RFX1: variants seen among roughly 807,000 people sequenced by gnomAD.
RFX1 encodes regulatory factor X1, also known as MHC class II regulatory factor RFX1.
A neutral mutation model predicts 119.6 loss-of-function variants in RFX1; 42 were observed. The ratio of observed to expected loss-of-function variants is 0.35; its 90% CI spans 0.27 to 0.45. The LOEUF (loss-of-function observed/expected upper bound fraction) is 0.45. RFX1 is among the 20% of genes least tolerant of loss of function. The probability of loss-of-function intolerance (pLI) is 1.00; values close to 1 mark genes in which losing one functional copy is unlikely to be tolerated. For missense variants in RFX1, 1,118 were observed against 1,368.1 expected (o/e 0.82, Z 2.88); for synonymous variants, 628 against 618.5 (o/e 1.02, Z -0.23).
intron 7 of RFX1, among the ~76,000 whole-genome samples, chr19:13,978,303 G>A (rs1974315236): frequency 6.6e-6 from 1 of 152,240 alleles, no homozygotes; most frequent in Non-Finnish European, 1.5e-5. Flanking sequence ...TTCGGCTGGG[G>A]CCAGCAAGGG....
In RFX1 at chr19:13,985,896, G is replaced by A. The variant is rs1042073238; in HGVS notation, c.320-2301C>T. ...TGGGGGCGGGGGTTGCCAGATGTGGGAGGTGTTGGGGGAGGCCTCCGCGTA... is the reference window on the plus strand; with the variant it reads ...TGGGGGCGGGGGTTGCCAGATGTGGAAGGTGTTGGGGGAGGCCTCCGCGTA... On this transcript the variant is annotated intron_variant, in intron 2 of 20. Transcript: ENST00000254325. The surrounding 1 kb of genome is among the most constrained non-coding windows in gnomAD (Gnocchi z 4.3). Among the ~76,000 whole-genome samples the A allele has an allele frequency of 1.3e-5, 2 of 152,114 alleles. No individual in the cohort carries two copies. The highest frequency in any genetic ancestry group is 4.8e-5 in the African/African-American group (2 of 41,402).
chr19:13,979,621 T>G (rs866972227), intron 6 of RFX1, 79 bp from the exon 7 acceptor site: 5 of 963,822 alleles, frequency 5.2e-6, no homozygotes, highest in Middle Eastern at 4.7e-4. Flanking sequence ...CAGGTGAGCT[T>G]CTGTAAAGCT....
At chr19:13,984,113 TGGGGTGGGGACCACAAG>T (rs1157580596) in intron 2 of RFX1, among the ~76,000 whole-genome samples, 2 of 149,726 alleles carry the variant, frequency 1.3e-5, no homozygotes, top group Non-Finnish European at 2.9e-5. Context: ...CTGTCCTCAG[TGGGGTGGGGACCACAAG>T]GGGCTTGGAG....
chr19:13,963,530 G>T lies in RFX1; in HGVS notation c.2570+8C>A. The T allele has an allele frequency of 6.2e-7, 1 of 1,600,844 alleles. No homozygotes were observed. The stretch of plus-strand genomic sequence containing the variant: ...TGCCGCCCGGACCCGATCCCGCCGC[G>T]CGCGCACCTGTAGAAGGACCACTTG... On this transcript the variant is annotated splice_region_variant and intron_variant, in intron 18 of 20. Coordinates refer to ENST00000254325, the MANE Select transcript of RFX1 (RefSeq NM_002918.5).
At position 13,978,038 on chromosome 19, in the gene RFX1, C is replaced by G. The variant is rs772677710; in HGVS notation, c.883G>C (p.Val295Leu). The G allele has an allele frequency of 3.7e-6, 6 of 1,613,714 alleles. No individual in the cohort carries two copies. The Admixed American group carries it at 6.7e-5, about 18-fold the overall frequency. Reference protein sequence around the residue: ...VPVPHVYSSQVQYVEGGDASY... With the variant: ...VPVPHVYSSQLQYVEGGDASY... ...GCATCGCCGCCCTCCACATACTGCA[C>G]CTGGCTGGAGTACACGTGTGGGACG... The change falls in exon 8 of 21, where the codon GTG becomes CTG. Residue 295 changes from valine (V) to leucine (L), a missense_variant. Around this residue, in one of 5 missense-constraint regions of RFX1, gnomAD observed 542 missense variants for 602.7 expected, o/e 0.90. Coordinates refer to ENST00000254325, the MANE Select transcript of RFX1 (RefSeq NM_002918.5).
At chr19:14,006,378 C>G (rs1975383263), upstream of RFX1, 2 of 152,278 alleles carry the variant, frequency 1.3e-5, no homozygotes, top group African/African-American at 4.8e-5. Context: ...TGATTGGCGG[C>G]GGCCGGAGAA....
chr19:13,994,072 C>T (rs1269421563), intron 1 of RFX1, among the ~76,000 whole-genome samples, 177 bp from the exon 2 acceptor site: 2 of 151,982 alleles, frequency 1.3e-5, no homozygotes, highest in African/African-American at 2.4e-5. Context: ...ATATCCAACC[C>T]GTCACTGCAG....
At chr19:13,995,137 AG>A (rs1974965041) in intron 1 of RFX1, among the ~76,000 whole-genome samples, 1 of 151,532 alleles carries the variant, frequency 6.6e-6, no homozygotes, top group South Asian at 2.1e-4. Flanking sequence ...TAGGGAGCTG[AG>A]GCTCAGAGAG....
In RFX1 at chr19:13,965,656, G is replaced by C; in HGVS notation, c.2083C>G (p.Leu695Val). The change falls in exon 15 of 21, where the codon CTC becomes GTC. Residue 695 changes from leucine to valine, a missense_variant. Leu to Val is a conservative substitution (Grantham distance 32). Around this residue, in one of 5 missense-constraint regions of RFX1, gnomAD observed 338 missense variants for 508.9 expected, o/e 0.66. Coordinates refer to ENST00000254325, the MANE Select transcript of RFX1 (RefSeq NM_002918.5). This position sits in a 1 kb window ranked among gnomAD's most constrained non-coding sequence, Gnocchi z 4.7. Reference protein sequence around the residue: ...NVLYQGLVEILIPDVLRPIPS... With the variant: ...NVLYQGLVEIVIPDVLRPIPS... ...ATGGGCCGCAGCACGTCGGGAATGA[G>C]GATTTCCACCAGGCCCTGGTACAGC... The C allele has an allele frequency of 6.2e-7, 1 of 1,613,782 alleles. No homozygotes were observed. The highest frequency in any genetic ancestry group is 8.5e-7 in the Non-Finnish European group (1 of 1,179,962).
At position 13,972,893 on chromosome 19, in the gene RFX1, G is replaced by GCCA. The variant is rs756315571; in HGVS notation, c.1161_1163dup (p.Gly399dup). The GCCA allele has an allele frequency of 6.4e-6, 10 of 1,574,114 alleles. No individual in the cohort carries two copies. The African/African-American group carries it at 8.1e-5, about 13-fold the overall frequency. On this transcript the variant is annotated inframe_insertion, in exon 9 of 21. Coordinates refer to ENST00000254325, the MANE Select transcript of RFX1 (RefSeq NM_002918.5). ...CGCCACCGCCTCCCCCGCCGCCGCC[G>GCCA]CCACCACCACTGCCACCACCTCCGC... is the stretch of plus-strand genomic sequence containing the variant.
chr19:13,971,208 C>G (rs766030998), intron 9 of RFX1, among the ~76,000 whole-genome samples: 3 of 151,780 alleles, frequency 2.0e-5, no homozygotes, highest in Non-Finnish European at 4.4e-5. Context: ...GTGGTGGGCA[C>G]CTGTCATCCC....
intron 1 of RFX1, among the ~76,000 whole-genome samples, chr19:14,001,248 A>G (rs1455711365): frequency 2.0e-5 from 3 of 151,926 alleles, no homozygotes; most frequent in Non-Finnish European, 4.4e-5. Flanking sequence ...TCAAGCACAT[A>G]CTACTATTTT....
intron 7 of RFX1, among the ~76,000 whole-genome samples, chr19:13,979,039 C>T (rs1974347350): frequency 1.3e-5 from 2 of 151,736 alleles, no homozygotes; most frequent in Non-Finnish European, 1.5e-5. Context: ...CCGGGGATCT[C>T]GCTGCTCTGC....
chr19:13,984,440 T>G (rs1262551220), intron 2 of RFX1, among the ~76,000 whole-genome samples: 1 of 152,132 alleles, frequency 6.6e-6, no homozygotes, highest in East Asian at 1.9e-4. Flanking sequence ...GGGGCAGCGC[T>G]GCGGGGTGAG....
chr19:13,992,829 G>A (rs1363883201), intron 2 of RFX1, among the ~76,000 whole-genome samples: 1 of 152,196 alleles, frequency 6.6e-6, no homozygotes. Context: ...TTTGCAAAGA[G>A]AGGTCAGAAC....
At chr19:13,975,260 GGCAGGAGAATC>G (rs1215454685) in intron 8 of RFX1, among the ~76,000 whole-genome samples, 12 of 152,014 alleles carry the variant, frequency 7.9e-5, no homozygotes, top group Non-Finnish European at 1.8e-4. Flanking sequence ...GGGAGACTGA[GGCAGGAGAATC>G]GCAGGAGAAC....
At position 13,966,307 on chromosome 19, in the gene RFX1, G is replaced by T; in HGVS notation, c.1961+114C>A. 1 of 663,834 alleles carries T rather than the reference G, an allele frequency of 1.5e-6. No individual in the cohort carries two copies. 41.1% of individuals were successfully genotyped at this position (663,834 alleles called of 1,614,324 possible). ...ACACTCCACACAGCCAAGGATATGT[G>T]TACCCCACAAACTGCAGGGGACAAG... On this transcript the variant is annotated intron_variant, in intron 14 of 20. Transcript: ENST00000254325. This position sits in a 1 kb window ranked among gnomAD's most constrained non-coding sequence, Gnocchi z 6.3.
intron 9 of RFX1, 116 bp downstream of exon 9, chr19:13,972,626 TG>T: frequency 2.8e-6 from 2 of 723,246 alleles, no homozygotes; most frequent in Non-Finnish European, 4.5e-6. Context: ...TTCTCTTCAT[TG>T]GGGGCCACAC....
At chr19:13,978,289 C>A (rs980911403) in intron 7 of RFX1, among the ~76,000 whole-genome samples, 3 of 152,208 alleles carry the variant, frequency 2.0e-5, no homozygotes, top group African/African-American at 4.8e-5. Flanking sequence ...CCAGGACTCT[C>A]GGCTTCGGCT....
Sources: allele counts gnomAD v4.1 joint callset (sites outside exome capture counted in the v4.1 genomes callset), GRCh38; gene constraint gnomAD v4.1.1; regional missense constraint gnomAD v4.1.1; non-coding constraint Gnocchi (gnomAD v3.1); transcripts MANE v1.5; gene names NCBI Gene and HGNC (gene_info 2026-07-23, HGNC 2026-07-21).